The following ARRB1 variants were observed in gnomAD, a reference collection of about 807,000 sequenced individuals.
ARRB1 encodes the protein arrestin beta 1.
In ARRB1, 21 loss-of-function variants were observed where a neutral mutation model predicts 56.8. That is an observed-to-expected ratio of 0.37 (90% confidence interval 0.26 to 0.53). ARRB1 has a LOEUF of 0.53. Ranked by LOEUF, ARRB1 falls within the 20% of genes least tolerant of loss-of-function variation. The pLI, the probability that ARRB1 is intolerant of heterozygous loss-of-function variation, is 0.88. For missense variants in ARRB1, 424 were observed against 553.7 expected, an observed-to-expected ratio of 0.77 and a Z score of 2.35; for synonymous variants, 210 against 218.6, an observed-to-expected ratio of 0.96 and a Z score of 0.35.
At chr11:75,322,552 G>C (rs368858826) in intron 1 of ARRB1, among the ~76,000 whole-genome samples, 13 of 152,234 alleles carry the variant, frequency 8.5e-5, no homozygotes, top group African/African-American at 2.9e-4. Context: ...TACTATGGGA[G>C]GGTTCTAGGG....
At position 75,284,278 on chromosome 11, in the gene ARRB1, A is replaced by T; in HGVS notation, c.114T>A (p.Asp38Glu). The part of the protein sequence containing the change: ...VDHIDLVDPV[D>E]GVVLVDPEYL... ...ACTCAGGATCCACCAGGACCACACC[A>T]TCTGGGGAAAGGACAGAGAGTAAGC... The change falls in exon 4 of 16, where the codon GAT (aspartate) becomes GAA (glutamate). Residue 38 changes from aspartate to glutamate, a missense_variant and splice_region_variant. Physicochemically the swap from Asp to Glu is conservative, Grantham distance 45 (BLOSUM62 2). Around this residue, in one of 3 missense-constraint regions of ARRB1, gnomAD observed 301 missense variants for 387.9 expected, o/e 0.78. Transcript: ENST00000420843. 1.9e-6 allele frequency: 3 copies of T among 1,607,246 alleles called. No individual in the cohort carries two copies. Among genetic ancestry groups the T allele is most frequent in the Non-Finnish European group, 2.6e-6 (3 of 1,175,358 alleles).
chr11:75,289,773 C>G (rs1946561837), intron 2 of ARRB1, among the ~76,000 whole-genome samples: 1 of 152,198 alleles, frequency 6.6e-6, no homozygotes, highest in Non-Finnish European at 1.5e-5. Context: ...TCTCCCTACA[C>G]CAGAGCTCAG....
chr11:75,263,406 G>A lies in ARRB1; in HGVS notation c.*2757C>T, dbSNP rs149680951. 6.6e-6 allele frequency among the ~76,000 whole-genome samples: 1 copy of A among 152,370 alleles called. No individual in the cohort carries two copies. Among genetic ancestry groups the A allele is most frequent in the East Asian group, 1.9e-4 (1 of 5,194 alleles). On this transcript the variant is annotated 3_prime_UTR_variant, in exon 16 of 16. Transcript: ENST00000420843. ...ATGGCCGTGCAGCAGGGCACCTCTG[G>A]CCAAGGGGCAAGGGGTGCTAAAATC... is the stretch of plus-strand genomic sequence containing the variant.
intron 1 of ARRB1, among the ~76,000 whole-genome samples, chr11:75,334,458 G>A (rs1947571595): frequency 1.3e-5 from 2 of 152,152 alleles, no homozygotes; most frequent in Non-Finnish European, 2.9e-5. Context: ...TACCAGGCCT[G>A]GCACACAGCA....
In ARRB1 at chr11:75,290,020, G is replaced by C. The variant is rs1293013484; in HGVS notation, c.40C>G (p.Pro14Ala). The C allele has an allele frequency of 6.2e-7, 1 of 1,614,230 alleles. No individual in the cohort carries two copies. Among genetic ancestry groups the C allele is most frequent in the East Asian group, 2.2e-5 (1 of 44,886 alleles). Reference sequence around the variant, plus strand: ...TGTTACAGACTCACCTTTCCATTTGGACTGGCCTTCTTGAACACTCTGTGG... The same window carrying C: ...TGTTACAGACTCACCTTTCCATTTGCACTGGCCTTCTTGAACACTCTGTGG... Reference protein sequence around the residue: ...KGTRVFKKASPNGKLTVYLGK... With the variant: ...KGTRVFKKASANGKLTVYLGK... Residue 14 changes from proline (P) to alanine (A), a missense_variant, in exon 2 of 16, where the codon CCA becomes GCA. Transcript: ENST00000420843.
intron 2 of ARRB1, 40 bp from the exon 3 acceptor site, chr11:75,287,415 C>A: frequency 1.3e-6 from 2 of 1,547,738 alleles, no homozygotes; most frequent in Non-Finnish European, 1.7e-6. Context: ...CAGCTGCAGG[C>A]CCAGAGGACA....
At position 75,343,812 on chromosome 11, in the gene ARRB1, A is replaced by AT. The variant is rs113649592; in HGVS notation, c.20+7775dup. Among the ~76,000 whole-genome samples the AT allele has an allele frequency of 2.0e-3, 299 of 146,064 alleles. 2 individuals are homozygous for AT. Among genetic ancestry groups the AT allele is most frequent in the African/African-American group, 6.4e-3 (258 of 40,004 alleles). ...TGGAGGAAGTGTTCCTGACCTGAGTATTTTTTTTTTTTTAAGACAGAGTCT... is the reference window on the plus strand; with the variant it reads ...TGGAGGAAGTGTTCCTGACCTGAGTATTTTTTTTTTTTTTAAGACAGAGTCT... On this transcript the variant is annotated intron_variant, in intron 1 of 15. Transcript: ENST00000420843.
At chr11:75,277,302 C>T (rs1471865295) in intron 9 of ARRB1, 62 bp downstream of exon 9, 1 of 1,520,116 alleles carries the variant, frequency 6.6e-7, no homozygotes, top group East Asian at 2.3e-5. Context: ...ACTTCAGCCA[C>T]CCCCAGCCCT....
chr11:75,321,961 G>A (rs1591974428), intron 1 of ARRB1, among the ~76,000 whole-genome samples: 1 of 152,220 alleles, frequency 6.6e-6, no homozygotes, highest in East Asian at 1.9e-4. Context: ...ACAGATCACA[G>A]TGCAAACAGA....
chr11:75,309,614 T>C (rs1212944804), intron 1 of ARRB1, among the ~76,000 whole-genome samples: 2 of 152,050 alleles, frequency 1.3e-5, no homozygotes, highest in Admixed American at 1.3e-4. Context: ...TTACGTGCTG[T>C]CACTGGGGGT....
rs565754276 is a variant in ARRB1 at position 75,329,605 on chromosome 11, C to T, written c.20+21983G>A. ...ACTACGCGGACCACTGCCTTCCTGG[C>T]CTTTCACGAAACCACCTTCTGCCAC... On this transcript the variant is annotated intron_variant, in intron 1 of 15. Transcript: ENST00000420843. Among the ~76,000 whole-genome samples, 20 of 152,250 alleles carry T rather than the reference C, an allele frequency of 1.3e-4. No individual in the cohort carries two copies. The Middle Eastern group carries it at 0.01, about 78-fold the overall frequency.
At chr11:75,310,301 A>G (rs943342716) in intron 1 of ARRB1, among the ~76,000 whole-genome samples, 1 of 152,210 alleles carries the variant, frequency 6.6e-6, no homozygotes, top group Non-Finnish European at 1.5e-5. Context: ...TGCGCCTGGC[A>G]TGTAACCTGG....
At chr11:75,327,862 C>T (rs531825393) in intron 1 of ARRB1, among the ~76,000 whole-genome samples, 2 of 152,242 alleles carry the variant, frequency 1.3e-5, no homozygotes, top group African/African-American at 4.8e-5. Context: ...GCTGGGATTA[C>T]AAGCATGAGC....
Position 75,265,352 on chromosome 11 carries a change from C to G in ARRB1, c.*811G>C, listed in dbSNP as rs1289110200. ...CAGCTCACTCTGCTGGGGGCTGGTG[C>G]TTGCTGAAGACCCCCTCCCTCCCTC... is the stretch of plus-strand genomic sequence containing the variant. On this transcript the variant is annotated 3_prime_UTR_variant, in exon 16 of 16. Coordinates refer to ENST00000420843, the MANE Select transcript of ARRB1 (RefSeq NM_004041.5). The G allele has an allele frequency of 6.6e-6, 1 of 152,390 alleles. No homozygotes were observed. The highest frequency in any genetic ancestry group is 1.5e-5 in the Non-Finnish European group (1 of 68,194). The allele number at this position is 152,390 out of a possible 1,614,324, so 9.4% of individuals were successfully genotyped here.
chr11:75,284,183 G>A (rs562752739), intron 4 of ARRB1, 52 bp downstream of exon 4: 4 of 1,556,780 alleles, frequency 2.6e-6, no homozygotes, highest in African/African-American at 1.4e-5. Context: ...TAGAGGTCCG[G>A]GGGGAAGAGG....
chr11:75,329,088 CT>C (rs770989128), intron 1 of ARRB1, among the ~76,000 whole-genome samples: 48,409 of 103,796 alleles, frequency 0.47, 9,460 homozygotes, highest in Middle Eastern at 0.53. Flanking sequence ...TGCTGTGTAA[CT>C]TTTTTTTTTT....
intron 1 of ARRB1, among the ~76,000 whole-genome samples, chr11:75,350,432 A>G (rs1450817059): frequency 6.6e-6 from 1 of 152,152 alleles, no homozygotes; most frequent in East Asian, 1.9e-4. Context: ...AAACAATGAG[A>G]AAGAGGGGGA....
In ARRB1 at chr11:75,274,122, A is replaced by G. The variant is rs929170493; in HGVS notation, c.866T>C (p.Leu289Ser). The change falls in exon 11 of 16, where the codon TTG becomes TCG. Residue 289 changes from leucine (L) to serine (S), a missense_variant. Physicochemically the swap from Leu to Ser is moderately radical, Grantham distance 145 (BLOSUM62 -2). This residue lies in a region of ARRB1 where 301 missense variants were observed against 387.9 expected (regional missense o/e 0.78). Transcript: ENST00000420843. ...ANNREKRGLA[L>S]DGKLKHEDTN... is the part of the protein sequence containing the mutation. ...GTCTTCGTGCTTGAGCTTCCCGTCC[A>G]AGGCGAGGCCCCGCTTCTCTCGGTT... The G allele has an allele frequency of 3.1e-6, 5 of 1,614,066 alleles. No individual in the cohort carries two copies. The highest frequency in any genetic ancestry group is 2.2e-5 in the East Asian group (1 of 44,888).
intron 1 of ARRB1, among the ~76,000 whole-genome samples, chr11:75,338,191 T>C (rs947342695): frequency 6.6e-5 from 10 of 151,948 alleles, no homozygotes; most frequent in African/African-American, 2.2e-4. Context: ...GACTTTCCCA[T>C]AGGACATGGG....
Sources: gnomAD v4.1 joint callset for allele counts (sites outside exome capture counted in the v4.1 genomes callset) on GRCh38, gnomAD v4.1.1 for gene constraint, gnomAD v4.1.1 regional missense constraint, MANE v1.5 for transcripts, NCBI Gene and HGNC (gene_info 2026-07-23, HGNC 2026-07-21) for gene names.